Variants in BPTF observed in about 807,000 individuals in gnomAD.
The protein encoded by BPTF is nucleosome-remodeling factor subunit BPTF.
Under a neutral mutation model 292.5 loss-of-function variants are expected in BPTF, and 18 were observed. The observed-to-expected ratio is 0.06, with a 90% CI of 0.04 to 0.09. The LOEUF (loss-of-function observed/expected upper bound fraction) is 0.09, where lower values mean the gene tolerates loss of function less well. BPTF is among the 10% of genes least tolerant of loss of function. BPTF has a pLI of 1.00. For synonymous variants in BPTF, 1,225 were observed against 1,251.9 expected, an observed-to-expected ratio of 0.98 and a Z score of 0.45; for missense variants, 2,726 against 3,498.7, an observed-to-expected ratio of 0.78 and a Z score of 5.57.
At chr17:67,973,937 C>G (rs1031292358) in intron 26 of BPTF, 2 of 151,678 alleles carry the variant, frequency 1.3e-5, no homozygotes, top group East Asian at 3.9e-4. Flanking sequence ...TTGTGTTGTT[C>G]TGCATGCTGC....
chr17:67,924,022 G>A (rs1370681943), intron 14 of BPTF, among the ~76,000 whole-genome samples: 5 of 145,676 alleles, frequency 3.4e-5, no homozygotes, highest in Admixed American at 2.7e-4. Context: ...TTTTTAAGAC[G>A]GAGTCTCGCT....
At chr17:67,842,794 A>T (rs2057658624) in intron 1 of BPTF, among the ~76,000 whole-genome samples, 1 of 151,012 alleles carries the variant, frequency 6.6e-6, no homozygotes, top group African/African-American at 2.4e-5. Context: ...TATCCAGCAA[A>T]AATACCCTTC....
intron 3 of BPTF, among the ~76,000 whole-genome samples, chr17:67,868,669 A>G (rs1357823689): frequency 6.6e-6 from 1 of 152,214 alleles, no homozygotes; most frequent in Non-Finnish European, 1.5e-5. Flanking sequence ...GCTCTTCTGC[A>G]TACATTATCT....
At chr17:67,944,100 A>T (rs782676721) in intron 19 of BPTF, 50 bp from the exon 20 acceptor site, 7 of 1,344,694 alleles carry the variant, frequency 5.2e-6, no homozygotes, top group Non-Finnish European at 7.5e-6. Context: ...AATGATATAC[A>T]TACAGATTGA....
chr17:67,889,454 A>G (rs571246684), intron 4 of BPTF, among the ~76,000 whole-genome samples: 56 of 152,318 alleles, frequency 3.7e-4, no homozygotes, highest in Non-Finnish European at 5.7e-4. Context: ...TATCTATTAC[A>G]GGACTTTATA....
chr17:67,880,638 G>GT (rs1315603917), intron 4 of BPTF, among the ~76,000 whole-genome samples: 1 of 151,722 alleles, frequency 6.6e-6, no homozygotes, highest in Non-Finnish European at 1.5e-5. Flanking sequence ...TTGGTTTTTG[G>GT]TTTTTTGTGT....
chr17:67,946,237 A>G lies in BPTF; in HGVS notation c.7529A>G (p.Gln2510Arg). 1 of 1,614,286 alleles carries G rather than the reference A, an allele frequency of 6.2e-7. No homozygotes were observed. Among genetic ancestry groups the G allele is most frequent in the Non-Finnish European group, 8.5e-7 (1 of 1,180,056 alleles). ...CAAAGGGTTCAGCAACTCAGGGATC[A>G]GCAGCAAAAGAAGAAACAGCAACAG... ...QLQRVQQLRD[Q>R]QQKKKQQQIE... Residue 2510 changes from glutamine (Q) to arginine (R), a missense_variant, in exon 21 of 28, where the codon CAG becomes CGG. Gln to Arg is a conservative substitution (Grantham distance 43, BLOSUM62 1). This residue lies in a region of BPTF where 570 missense variants were observed against 633.5 expected (regional missense o/e 0.90). Coordinates refer to ENST00000306378, the MANE Select transcript of BPTF (RefSeq NM_182641.4).
intron 13 of BPTF, among the ~76,000 whole-genome samples, chr17:67,920,904 C>A (rs146708019): frequency 2.3e-4 from 35 of 151,560 alleles, no homozygotes; most frequent in African/African-American, 8.2e-4. Context: ...TAGGAAAAAA[C>A]CTAGTAAGAA....
At chr17:67,872,136 T>G (rs967650693) in intron 3 of BPTF, among the ~76,000 whole-genome samples, 2 of 152,146 alleles carry the variant, frequency 1.3e-5, no homozygotes, top group Non-Finnish European at 2.9e-5. Context: ...CTGTTTTTGG[T>G]CTGTTTTTCT....
At chr17:67,842,544 A>G (rs763965110) in intron 1 of BPTF, among the ~76,000 whole-genome samples, 1 of 152,192 alleles carries the variant, frequency 6.6e-6, no homozygotes, top group Non-Finnish European at 1.5e-5. Flanking sequence ...TAAACTCCAC[A>G]TTGTAGGAAA....
chr17:67,861,728 C>A (rs1241987340), intron 2 of BPTF, among the ~76,000 whole-genome samples: 3 of 152,188 alleles, frequency 2.0e-5, no homozygotes, highest in African/African-American at 7.2e-5. Flanking sequence ...ACTTCAGATT[C>A]TTTAGCACAG....
intron 2 of BPTF, among the ~76,000 whole-genome samples, chr17:67,862,165 G>A (rs2059123721): frequency 6.6e-6 from 1 of 151,796 alleles, no homozygotes; most frequent in Non-Finnish European, 1.5e-5. Context: ...TAGTAGAGAT[G>A]GGGTTTCACC....
chr17:67,982,183 CCG>C, intron 27 of BPTF, 67 bp from the exon 28 acceptor site: 1 of 1,402,330 alleles, frequency 7.1e-7, no homozygotes, highest in Non-Finnish European at 1.0e-6. Context: ...ACCTTGGCAT[CCG>C]CATAAAGCAT....
intron 1 of BPTF, among the ~76,000 whole-genome samples, chr17:67,853,548 G>GT (rs2058535644): frequency 1.3e-5 from 2 of 151,990 alleles, no homozygotes; most frequent in South Asian, 4.1e-4. Flanking sequence ...ATGTGTAAAT[G>GT]TTTTTTCTCA....
At chr17:67,875,575 T>C in intron 4 of BPTF, 1 of 1,542,252 alleles carries the variant, frequency 6.5e-7, no homozygotes, top group Non-Finnish European at 8.8e-7. Context: ...AAGTTGGGGA[T>C]AAAGGTAACT....
intron 2 of BPTF, among the ~76,000 whole-genome samples, chr17:67,866,111 A>T (rs1330430244): frequency 2.0e-5 from 3 of 152,040 alleles, no homozygotes; most frequent in Non-Finnish European, 4.4e-5. Context: ...ACAGAGTGAG[A>T]CCCTGTCTCT....
chr17:67,949,031 C>T (rs960463122), intron 23 of BPTF, among the ~76,000 whole-genome samples: 2 of 152,100 alleles, frequency 1.3e-5, no homozygotes, highest in Non-Finnish European at 2.9e-5. Flanking sequence ...GTAAACGATT[C>T]TGTAGGTATT....
chr17:67,829,335 C>CT (rs961035093), intron 1 of BPTF, among the ~76,000 whole-genome samples: 41 of 147,380 alleles, frequency 2.8e-4, no homozygotes, highest in Non-Finnish European at 4.3e-4. Context: ...ATAGATGTGA[C>CT]TTTTTTTTTT....
intron 3 of BPTF, among the ~76,000 whole-genome samples, chr17:67,874,157 C>T (rs939708332): frequency 4.6e-5 from 7 of 152,136 alleles, no homozygotes; most frequent in South Asian, 2.1e-4. Context: ...TCCATGAGTG[C>T]GTACTGATAT....
Sources: allele counts gnomAD v4.1 joint callset (sites outside exome capture counted in the v4.1 genomes callset), GRCh38; gene constraint gnomAD v4.1.1; regional missense constraint gnomAD v4.1.1; transcripts MANE v1.5; gene names NCBI Gene and HGNC (gene_info 2026-07-23, HGNC 2026-07-21).